The following TEX101 variants were observed in gnomAD, a reference collection of about 807,000 sequenced individuals.
TEX101 encodes testis expressed 101.
TEX101 carries 10 observed loss-of-function variants against 18.1 expected under a neutral mutation model. The ratio of observed to expected loss-of-function variants is 0.55; its 90% CI spans 0.34 to 0.94. TEX101 has a LOEUF of 0.94. Ranked by LOEUF, TEX101 falls within the 40% of genes least tolerant of loss-of-function variation. The pLI, the probability that TEX101 is intolerant of heterozygous loss-of-function variation, is 0.02. For missense variants in TEX101, 259 were observed against 298.9 expected, an observed-to-expected ratio of 0.87 and a Z score of 0.98; for synonymous variants, 94 against 114.8, an observed-to-expected ratio of 0.82 and a Z score of 1.16.
At chr19:43,409,022 T>A (rs577263333) in intron 3 of TEX101, among the ~76,000 whole-genome samples, 1 of 152,250 alleles carries the variant, frequency 6.6e-6, no homozygotes, top group Non-Finnish European at 1.5e-5. Context: ...AATAATTAGA[T>A]TAATTGGCTG....
chr19:43,418,351 A>C lies in TEX101; in HGVS notation c.704A>C (p.Gln235Pro). 6.2e-7 allele frequency: 1 copy of C among 1,614,162 alleles called. No homozygotes were observed. Among genetic ancestry groups the C allele is most frequent in the East Asian group, 2.2e-5 (1 of 44,878 alleles). ...TCLPIPVWGL[Q>P]LLLPLLLPSF... ...CTTCCCATTCCTGTTTGGGGGTTAC[A>C]GCTACTGCTGCCATTGCTGCTGCCA... is the stretch of plus-strand genomic sequence containing the variant. The change falls in exon 6 of 6, where the codon CAG (glutamine) becomes CCG (proline). Residue 235 changes from glutamine to proline, a missense_variant. Coordinates refer to ENST00000598265, the MANE Select transcript of TEX101 (RefSeq NM_001130011.3).
intron 3 of TEX101, among the ~76,000 whole-genome samples, chr19:43,408,811 T>TG (rs1476403514): frequency 1.3e-5 from 2 of 152,094 alleles, no homozygotes; most frequent in Non-Finnish European, 2.9e-5. Flanking sequence ...CCCTGGACTA[T>TG]GGGGCATCAT....
At chr19:43,389,205 G>A in the TEX101 span, among the ~76,000 whole-genome samples, 4 of 152,220 alleles carry the variant, frequency 2.6e-5, no homozygotes, top group Non-Finnish European at 5.9e-5. Context: ...AATGCCACCA[G>A]TACACATGGG....
chr19:43,418,388 C>T lies in TEX101; in HGVS notation c.741C>T (p.His247=). The part of the protein sequence containing the change: ...LLPLLLPSFI[H]FS ...CATTGCTGCTGCCATCATTTATTCA[C>T]TTTTCCTAAGAAGGCACTTCTGGGC... The change falls in exon 6 of 6, where the codon CAC becomes CAT. Residue 247 remains histidine (H), a synonymous_variant. Transcript: ENST00000598265. The T allele has an allele frequency of 6.2e-7, 1 of 1,612,080 alleles. No homozygotes were observed. Among genetic ancestry groups the T allele is most frequent in the Non-Finnish European group, 8.5e-7 (1 of 1,178,282 alleles).
intron 2 of TEX101, among the ~76,000 whole-genome samples, chr19:43,403,592 A>T (rs1332022218): frequency 6.6e-6 from 1 of 152,206 alleles, no homozygotes; most frequent in Non-Finnish European, 1.5e-5. Flanking sequence ...ATAATAATTT[A>T]AAAAAGGAAA....
chr19:43,389,243 C>T, the TEX101 span, among the ~76,000 whole-genome samples: 1 of 152,326 alleles, frequency 6.6e-6, no homozygotes, highest in Middle Eastern at 3.4e-3. Context: ...AAGGAGGAAG[C>T]CGGAAAGTTC....
the TEX101 span, among the ~76,000 whole-genome samples, chr19:43,391,747 G>C: frequency 6.6e-6 from 1 of 152,162 alleles, no homozygotes; most frequent in Non-Finnish European, 1.5e-5. Context: ...ATAAACATCA[G>C]GGTCGTTCCC....
At chr19:43,405,549 CAAAAAAAAAAA>C (rs1163062557) in intron 2 of TEX101, among the ~76,000 whole-genome samples, 7 of 38,502 alleles carry the variant, frequency 1.8e-4, no homozygotes, top group Admixed American at 3.7e-4. Context: ...AACTCTGTCT[CAAAAAAAAAAA>C]AAAAAAAAAA....
intron 3 of TEX101, among the ~76,000 whole-genome samples, chr19:43,409,284 G>C (rs548408156): frequency 6.6e-6 from 1 of 152,314 alleles, no homozygotes; most frequent in South Asian, 2.1e-4. Flanking sequence ...AGTTAGTTGG[G>C]TACCTGTGAT....
At chr19:43,390,460 CT>C in the TEX101 span, among the ~76,000 whole-genome samples, 474 of 49,792 alleles carry the variant, frequency 9.5e-3, no homozygotes, top group Middle Eastern at 0.059. Context: ...CTTTTTTTTT[CT>C]TTTTTTTTTT....
upstream of TEX101, among the ~76,000 whole-genome samples, chr19:43,414,145 G>A (rs1477386267): frequency 3.4e-5 from 5 of 147,246 alleles, no homozygotes; most frequent in Non-Finnish European, 6.0e-5. Context: ...GAAGGGGAGG[G>A]GAAGGGAGGG....
At chr19:43,406,423 C>A (rs958965871) in exon 3 of TEX101, 6 of 743,998 alleles carry the variant, frequency 8.1e-6, no homozygotes, top group Non-Finnish European at 1.2e-5. Flanking sequence ...GAGAGAAGAA[C>A]CCTCTGAGCC....
exon 3 of TEX101, chr19:43,406,407 C>T: frequency 1.4e-6 from 1 of 726,388 alleles, no homozygotes; most frequent in East Asian, 2.6e-5. Flanking sequence ...TTGGCGGAAC[C>T]TGCGGGAGAG....
At chr19:43,398,284 T>C (rs1205754019), upstream of TEX101, among the ~76,000 whole-genome samples, 1 of 131,882 alleles carries the variant, frequency 7.6e-6, no homozygotes, top group East Asian at 2.0e-4. Flanking sequence ...TATTTATATA[T>C]ACTTTTTTTT....
Position 43,416,209 on chromosome 19 carries a change from C to T in TEX101, c.175C>T (p.Leu59Phe), listed in dbSNP as rs1218393740. The change falls in exon 3 of 6, where the codon CTT becomes TTT. Residue 59 changes from leucine (L) to phenylalanine (F), a missense_variant. Coordinates refer to ENST00000598265, the MANE Select transcript of TEX101 (RefSeq NM_001130011.3). ...AGTGGAGACTTGTGACAAAGGGGCA[C>T]TTTGCCAGGAAACCATACTAATAAT... The part of the protein sequence containing the change: ...EEVETCDKGA[L>F]CQETILIIKA... 1.9e-6 allele frequency: 3 copies of T among 1,611,870 alleles called. No homozygotes were observed. Among genetic ancestry groups the T allele is most frequent in the Admixed American group, 3.4e-5 (2 of 59,296 alleles).
At chr19:43,407,409 A>T (rs533870379) in intron 3 of TEX101, among the ~76,000 whole-genome samples, 88 of 151,922 alleles carry the variant, frequency 5.8e-4, no homozygotes, top group Middle Eastern at 3.4e-3. Context: ...CACTTGAACC[A>T]GGGAGGCAGA....
At chr19:43,413,187 A>T (rs1479478936), upstream of TEX101, among the ~76,000 whole-genome samples, 1 of 152,074 alleles carries the variant, frequency 6.6e-6, no homozygotes, top group Non-Finnish European at 1.5e-5. Context: ...TTTCATGTGG[A>T]CCCCTCGAAG....
At chr19:43,394,552 C>G in the TEX101 span, among the ~76,000 whole-genome samples, 117 of 151,886 alleles carry the variant, frequency 7.7e-4, 1 homozygote, top group African/African-American at 2.8e-3. Flanking sequence ...CTCACTGCAA[C>G]CTCTGCCTCC....
upstream of TEX101, among the ~76,000 whole-genome samples, chr19:43,398,917 A>T (rs1047748374): frequency 6.6e-6 from 1 of 151,882 alleles, no homozygotes; most frequent in Non-Finnish European, 1.5e-5. Context: ...TGCCCATAAA[A>T]CTCACCAAAT....
Sources: gnomAD v4.1 joint callset for allele counts (sites outside exome capture counted in the v4.1 genomes callset) on GRCh38, gnomAD v4.1.1 for gene constraint, MANE v1.5 for transcripts, NCBI Gene and HGNC (gene_info 2026-07-23, HGNC 2026-07-21) for gene names.